Variants in TMEM163 observed in about 807,000 individuals in gnomAD.
TMEM163 encodes transmembrane protein 163.
TMEM163 carries 17 observed loss-of-function variants against 29.3 expected under a neutral mutation model. The observed-to-expected ratio is 0.58, with a 90% CI of 0.40 to 0.87. The LOEUF (loss-of-function observed/expected upper bound fraction) is 0.87. TMEM163 is among the 40% of genes least tolerant of loss of function. The pLI, the probability that TMEM163 is intolerant of heterozygous loss-of-function variation, is 0.00. For missense variants in TMEM163, 303 were observed against 381.5 expected, an observed-to-expected ratio of 0.79 and a Z score of 1.71; for synonymous variants, 157 against 160.6, an observed-to-expected ratio of 0.98 and a Z score of 0.17.
chr2:134,577,135 T>C (rs1681573578), intron 2 of TMEM163, among the ~76,000 whole-genome samples: 1 of 152,140 alleles, frequency 6.6e-6, no homozygotes, highest in Admixed American at 6.5e-5. Flanking sequence ...TTAATTAGGG[T>C]ACCTGCCATG....
At position 134,584,679 on chromosome 2, in the gene TMEM163, C is replaced by T. The variant is rs181995101; in HGVS notation, c.323-32588G>A. Among the ~76,000 whole-genome samples, 580 of 150,612 alleles carry T rather than the reference C, an allele frequency of 3.9e-3. 2 individuals are homozygous for T. The highest frequency in any genetic ancestry group is 8.3e-3 in the South Asian group (39 of 4,702). On this transcript the variant is annotated intron_variant, in intron 2 of 7. Coordinates refer to ENST00000281924, the MANE Select transcript of TMEM163 (RefSeq NM_030923.5). ...AGTACAAAGGCATGTGATAAAGACTCGAGACTCTTGCTAAAGAAATAAGAG... is the reference window on the plus strand; with the variant it reads ...AGTACAAAGGCATGTGATAAAGACTTGAGACTCTTGCTAAAGAAATAAGAG...
At chr2:134,557,187 G>A (rs1034015883) in intron 2 of TMEM163, among the ~76,000 whole-genome samples, 2 of 152,236 alleles carry the variant, frequency 1.3e-5, no homozygotes, top group Non-Finnish European at 2.9e-5. Flanking sequence ...GGAGAGTTAC[G>A]AGAGATAATT....
At chr2:134,474,225 AT>A (rs1686867015) in intron 5 of TMEM163, among the ~76,000 whole-genome samples, 1 of 152,204 alleles carries the variant, frequency 6.6e-6, no homozygotes, top group African/African-American at 2.4e-5. Context: ...AATCAAAGCA[AT>A]TTCCCATATT....
At chr2:134,633,649 AT>A (rs1349878423) in intron 2 of TMEM163, among the ~76,000 whole-genome samples, 1 of 152,104 alleles carries the variant, frequency 6.6e-6, no homozygotes, top group East Asian at 1.9e-4. Context: ...AAAAGAGTGA[AT>A]AAGAACAGTC....
At chr2:134,608,927 T>A (rs1189424019) in intron 2 of TMEM163, among the ~76,000 whole-genome samples, 2 of 62,844 alleles carry the variant, frequency 3.2e-5, no homozygotes, top group African/African-American at 1.9e-4. Flanking sequence ...ACTGTGCTGG[T>A]GAAAAGGACA....
chr2:134,649,656 C>G (rs1479721612), intron 2 of TMEM163, among the ~76,000 whole-genome samples: 2 of 151,988 alleles, frequency 1.3e-5, no homozygotes, highest in East Asian at 3.9e-4. Flanking sequence ...AACTTTGAAA[C>G]CATTTAAGTG....
intron 4 of TMEM163, among the ~76,000 whole-genome samples, chr2:134,542,039 C>T (rs564815390): frequency 6.6e-6 from 1 of 152,320 alleles, no homozygotes; most frequent in East Asian, 1.9e-4. Flanking sequence ...ATGACTATCC[C>T]TTGTTGCTAA....
intron 5 of TMEM163, among the ~76,000 whole-genome samples, chr2:134,479,582 C>T (rs1290893390): frequency 6.6e-6 from 1 of 152,220 alleles, no homozygotes; most frequent in Non-Finnish European, 1.5e-5. Context: ...CTGACCCCCA[C>T]AGATAAGGGC....
chr2:134,485,536 G>A (rs187747832), intron 5 of TMEM163, among the ~76,000 whole-genome samples: 69 of 152,232 alleles, frequency 4.5e-4, no homozygotes, highest in Admixed American at 1.4e-3. Flanking sequence ...AAGGGTAGGC[G>A]GGGGTTCTCA....
intron 4 of TMEM163, among the ~76,000 whole-genome samples, chr2:134,527,460 C>CA (rs536712730): frequency 2.6e-5 from 4 of 151,546 alleles, no homozygotes; most frequent in South Asian, 2.1e-4. Context: ...AGACACTTGC[C>CA]AAAAAAAACA....
chr2:134,562,156 T>C (rs1681197137), intron 2 of TMEM163, among the ~76,000 whole-genome samples: 1 of 152,236 alleles, frequency 6.6e-6, no homozygotes, highest in Non-Finnish European at 1.5e-5. Context: ...TTTGGCTTGG[T>C]GTCTTTTTGG....
At chr2:134,683,859 T>C (rs955805522) in intron 2 of TMEM163, among the ~76,000 whole-genome samples, 3 of 150,922 alleles carry the variant, frequency 2.0e-5, no homozygotes, top group African/African-American at 7.4e-5. Flanking sequence ...AAGGTCATCA[T>C]TGGGGGAAAC....
intron 5 of TMEM163, among the ~76,000 whole-genome samples, chr2:134,490,717 C>T (rs906994388): frequency 1.3e-5 from 2 of 152,048 alleles, no homozygotes; most frequent in Non-Finnish European, 2.9e-5. Flanking sequence ...CCCAAGTGAC[C>T]ACATGGCTCC....
intron 2 of TMEM163, among the ~76,000 whole-genome samples, chr2:134,706,923 G>C (rs1684827742): frequency 6.6e-6 from 1 of 152,144 alleles, no homozygotes; most frequent in Admixed American, 6.5e-5. Context: ...GTGGCCACAG[G>C]GTATGAAGAC....
intron 2 of TMEM163, among the ~76,000 whole-genome samples, chr2:134,599,014 TAAA>T (rs34207224): frequency 0.44 from 54,504 of 123,702 alleles, 12,652 homozygotes; most frequent in Non-Finnish European, 0.54. Context: ...GCCATTCCGT[TAAA>T]AAAAAAAAAA....
At chr2:134,641,934 T>G (rs1683229140) in intron 2 of TMEM163, among the ~76,000 whole-genome samples, 1 of 152,048 alleles carries the variant, frequency 6.6e-6, no homozygotes, top group Admixed American at 6.6e-5. Flanking sequence ...AGCAGATATA[T>G]TAATATCAGA....
intron 4 of TMEM163, among the ~76,000 whole-genome samples, chr2:134,517,655 T>C (rs1302705923): frequency 6.6e-6 from 1 of 152,166 alleles, no homozygotes; most frequent in Non-Finnish European, 1.5e-5. Context: ...ATGGAAAATA[T>C]CTCTAGACTT....
chr2:134,541,332 A>T (rs1056702292), intron 4 of TMEM163, among the ~76,000 whole-genome samples: 1 of 152,276 alleles, frequency 6.6e-6, no homozygotes, highest in Non-Finnish European at 1.5e-5. Context: ...AAAGAATTAT[A>T]ACTCTTAGTG....
Position 134,598,028 on chromosome 2 carries a change from T to G in TMEM163, c.323-45937A>C, listed in dbSNP as rs192887095. 2.5e-3 allele frequency among the ~76,000 whole-genome samples: 374 copies of G among 152,356 alleles called. 3 individuals are homozygous for G. Among genetic ancestry groups the G allele is most frequent in the African/African-American group, 8.6e-3 (357 of 41,582 alleles). On this transcript the variant is annotated intron_variant, in intron 2 of 7. Coordinates refer to ENST00000281924, the MANE Select transcript of TMEM163 (RefSeq NM_030923.5). ...CTTTCCTTATTAGTCTTGCTAGCAGTCTATCAATTTTGTTGATATTTTCAA... is the reference window on the plus strand; with the variant it reads ...CTTTCCTTATTAGTCTTGCTAGCAGGCTATCAATTTTGTTGATATTTTCAA...
Sources: gnomAD v4.1 joint callset for allele counts (sites outside exome capture counted in the v4.1 genomes callset) on GRCh38, gnomAD v4.1.1 for gene constraint, MANE v1.5 for transcripts, NCBI Gene and HGNC (gene_info 2026-07-23, HGNC 2026-07-21) for gene names.